The following SH3BGR variants were observed in gnomAD, a reference collection of about 807,000 sequenced individuals.
SH3BGR encodes the protein SH3 domain-binding glutamic acid-rich protein.
In SH3BGR, 29 loss-of-function variants were observed where a neutral mutation model predicts 24.5. That is an observed-to-expected ratio of 1.18 (90% CI 0.88 to 1.61). The LOEUF is 1.61. Ranked by LOEUF, SH3BGR falls within the 40% of genes most tolerant of loss-of-function variation. SH3BGR has a pLI of 0.00. For missense variants in SH3BGR, 162 were observed against 205.8 expected, an observed-to-expected ratio of 0.79 and a Z score of 1.30; for synonymous variants, 55 against 65.7, an observed-to-expected ratio of 0.84 and a Z score of 0.79.
At chr21:39,446,142 C>G (rs2077454271) in intron 1 of SH3BGR, 1 of 150,570 alleles carries the variant, frequency 6.6e-6, no homozygotes, top group Non-Finnish European at 1.5e-5. Context: ...CACAGTTCCC[C>G]TATTAACCCC....
At chr21:39,500,943 C>T (rs894072843) in intron 4 of SH3BGR, among the ~76,000 whole-genome samples, 1 of 152,144 alleles carries the variant, frequency 6.6e-6, no homozygotes, top group African/African-American at 2.4e-5. Flanking sequence ...AAGTAGACTG[C>T]TATTTCAAAA....
At chr21:39,460,226 G>T (rs2077732947) in intron 1 of SH3BGR, among the ~76,000 whole-genome samples, 1 of 152,138 alleles carries the variant, frequency 6.6e-6, no homozygotes, top group African/African-American at 2.4e-5. Flanking sequence ...GTTTTGTTGT[G>T]TGGCTTTTTT....
chr21:39,497,265 CTG>C (rs1424692021), intron 3 of SH3BGR, among the ~76,000 whole-genome samples: 2 of 150,682 alleles, frequency 1.3e-5, no homozygotes, highest in Non-Finnish European at 3.0e-5. Context: ...AATATATAAT[CTG>C]AATGTAATGG....
At chr21:39,507,252 C>T (rs1186301836) in intron 4 of SH3BGR, among the ~76,000 whole-genome samples, 2 of 152,168 alleles carry the variant, frequency 1.3e-5, no homozygotes, top group Admixed American at 1.3e-4. Flanking sequence ...AGGTATTGTT[C>T]TGGAAATGGC....
At chr21:39,479,832 G>A (rs1450861807) in intron 3 of SH3BGR, among the ~76,000 whole-genome samples, 2 of 151,308 alleles carry the variant, frequency 1.3e-5, no homozygotes. Flanking sequence ...ATTACTCAAC[G>A]ATTCCCTTTA....
rs1425285029 is a variant in SH3BGR, at chr21:39,515,269, A to G, written c.*216A>G. On this transcript the variant is annotated 3_prime_UTR_variant, in exon 7 of 7. Coordinates refer to ENST00000333634, the MANE Select transcript of SH3BGR (RefSeq NM_007341.3). ...TTAAATGTGAAGACCGTTTATGCAT[A>G]CCTTCATGTGCCTGACAGTCTTGGC... is the stretch of plus-strand genomic sequence containing the variant. The G allele has an allele frequency of 3.2e-6, 1 of 317,320 alleles. No individual in the cohort carries two copies. The highest frequency in any genetic ancestry group is 6.6e-6 in the Non-Finnish European group (1 of 152,504). The allele number at this position is 317,320 out of a possible 1,614,324, so 19.7% of individuals were successfully genotyped here.
chr21:39,515,236 A>C lies in SH3BGR; in HGVS notation c.*183A>C, dbSNP rs1025101964. 3 of 398,216 alleles carry C rather than the reference A, an allele frequency of 7.5e-6. No homozygotes were observed. The highest frequency in any genetic ancestry group is 1.6e-5 in the Non-Finnish European group (3 of 192,944). 24.7% of individuals were successfully genotyped at this position (398,216 alleles called of 1,614,324 possible). A position where few individuals can be genotyped will look rare whatever the true frequency, so the allele number is the denominator to read the frequency against. On this transcript the variant is annotated 3_prime_UTR_variant, in exon 7 of 7. Coordinates refer to ENST00000333634, the MANE Select transcript of SH3BGR (RefSeq NM_007341.3). ...TGTACATGGAGGTATCTCCCGAATC[A>C]TACAAAATTAAATGTGAAGACCGTT...
intron 4 of SH3BGR, among the ~76,000 whole-genome samples, chr21:39,505,347 C>T (rs1354652926): frequency 6.6e-6 from 1 of 152,144 alleles, no homozygotes; most frequent in African/African-American, 2.4e-5. Flanking sequence ...TTCTTCCAAG[C>T]TTACTTATCC....
chr21:39,447,099 G>C (rs967095969), upstream of SH3BGR: 3 of 152,098 alleles, frequency 2.0e-5, no homozygotes, highest in African/African-American at 7.2e-5. Flanking sequence ...TATAAGATGG[G>C]TGCCGGTTGT....
chr21:39,472,919 C>T (rs899164297), intron 2 of SH3BGR, among the ~76,000 whole-genome samples: 4 of 152,056 alleles, frequency 2.6e-5, no homozygotes, highest in South Asian at 2.1e-4. Context: ...TCAGCATGAT[C>T]GGTGGCTTTG....
In SH3BGR at chr21:39,511,807, C is replaced by CAGGT. The variant is rs770599132; in HGVS notation, c.*34+1_*34+4dup. On this transcript the variant is annotated splice_region_variant and 3_prime_UTR_variant, in exon 6 of 7. Transcript: ENST00000333634. This position sits in a 1 kb window ranked among gnomAD's most constrained non-coding sequence, Gnocchi z 4.2. ...TCATGCTTCATTTCTTCCACTTCTC[C>CAGGT]AGGTAGCTACAGGATTCTGGGGTGG... is the stretch of plus-strand genomic sequence containing the variant. 1 of 1,603,988 alleles carries CAGGT rather than the reference C, an allele frequency of 6.2e-7. No homozygotes were observed. Among genetic ancestry groups the CAGGT allele is most frequent in the African/African-American group, 1.3e-5 (1 of 74,428 alleles).
At chr21:39,492,279 T>C (rs1395499920) in intron 3 of SH3BGR, among the ~76,000 whole-genome samples, 1 of 152,130 alleles carries the variant, frequency 6.6e-6, no homozygotes, top group African/African-American at 2.4e-5. Flanking sequence ...GTCATTCTTA[T>C]GTCTTTGCGT....
At chr21:39,457,943 C>CA (rs200145171) in intron 1 of SH3BGR, among the ~76,000 whole-genome samples, 9 of 151,480 alleles carry the variant, frequency 5.9e-5, no homozygotes, top group South Asian at 2.1e-4. Flanking sequence ...AAACAAGAAA[C>CA]AAAAAAAACA....
intron 2 of SH3BGR, among the ~76,000 whole-genome samples, chr21:39,464,398 G>A (rs1569153404): frequency 6.6e-6 from 1 of 152,062 alleles, no homozygotes; most frequent in South Asian, 2.1e-4. Context: ...AATTTTTATA[G>A]TTTTAGTAGA....
chr21:39,472,710 A>G (rs1230837764), intron 2 of SH3BGR, among the ~76,000 whole-genome samples: 4 of 152,166 alleles, frequency 2.6e-5, no homozygotes, highest in African/African-American at 7.2e-5. Flanking sequence ...GAATCAGGGA[A>G]GTTTCCTTCC....
At chr21:39,486,301 C>T (rs939726383) in intron 3 of SH3BGR, among the ~76,000 whole-genome samples, 7 of 151,978 alleles carry the variant, frequency 4.6e-5, no homozygotes, top group South Asian at 2.1e-4. Flanking sequence ...ACATGCAAAA[C>T]GAAACTATAA....
intron 4 of SH3BGR, among the ~76,000 whole-genome samples, chr21:39,500,965 C>T (rs1185353311): frequency 6.6e-6 from 1 of 152,190 alleles, no homozygotes; most frequent in East Asian, 1.9e-4. Flanking sequence ...GTTGATATTA[C>T]AACTCTGAAG....
chr21:39,466,241 C>G (rs71316676), intron 2 of SH3BGR, among the ~76,000 whole-genome samples: 50,688 of 152,066 alleles, frequency 0.33, 8,841 homozygotes, highest in Non-Finnish European at 0.37. Context: ...CATACTTTTG[C>G]AACTTTGACA....
rs146585887 is a variant in SH3BGR at position 39,457,690 on chromosome 21, A to G, written c.46-4685A>G. ...GTCTTGCCTGTAATCCCAGCACTTT[A>G]GGAGGCTGAGGCAGGTGGATCACTT... On this transcript the variant is annotated intron_variant, in intron 1 of 6. Coordinates refer to ENST00000333634, the MANE Select transcript of SH3BGR (RefSeq NM_007341.3). 1.3e-3 allele frequency among the ~76,000 whole-genome samples: 195 copies of G among 151,986 alleles called. 1 individual carries two copies. Among genetic ancestry groups the G allele is most frequent in the African/African-American group, 4.4e-3 (184 of 41,472 alleles).
Sources: allele counts gnomAD v4.1 joint callset (sites outside exome capture counted in the v4.1 genomes callset), GRCh38; gene constraint gnomAD v4.1.1; non-coding constraint Gnocchi (gnomAD v3.1); transcripts MANE v1.5; gene names NCBI Gene and HGNC (gene_info 2026-07-23, HGNC 2026-07-21).